Variants in CSTPP1 observed in about 807,000 individuals in gnomAD.
CSTPP1 encodes centriolar satellite-associated tubulin polyglutamylase complex regulator 1.
chr11:47,045,881 G>A, the CSTPP1 span, among the ~76,000 whole-genome samples: 1 of 151,968 alleles, frequency 6.6e-6, no homozygotes. Context: ...CCGTCCCCCG[G>A]GTTTAAGCAA....
At chr11:47,122,390 G>A in the CSTPP1 span, among the ~76,000 whole-genome samples, 1 of 151,708 alleles carries the variant, frequency 6.6e-6, no homozygotes, top group Admixed American at 6.6e-5. Flanking sequence ...CTTAGAGGGG[G>A]AAGAAAGAGC....
the CSTPP1 span, chr11:46,987,551 A>C: frequency 2.5e-6 from 1 of 403,012 alleles, no homozygotes; most frequent in South Asian, 5.5e-5. Flanking sequence ...TGCTTGTTTG[A>C]TCTATTAGAT....
chr11:47,105,084 G>A, the CSTPP1 span, among the ~76,000 whole-genome samples: 1 of 152,200 alleles, frequency 6.6e-6, no homozygotes, highest in Non-Finnish European at 1.5e-5. Context: ...GTGTAGTGAA[G>A]GATGGTTTGA....
At chr11:47,067,816 A>G in the CSTPP1 span, among the ~76,000 whole-genome samples, 2 of 152,202 alleles carry the variant, frequency 1.3e-5, no homozygotes, top group African/African-American at 2.4e-5. Context: ...TTTTTAACTC[A>G]CAGTTTCAGC....
the CSTPP1 span, among the ~76,000 whole-genome samples, chr11:47,015,967 C>G: frequency 2.0e-5 from 3 of 152,026 alleles, no homozygotes; most frequent in South Asian, 6.2e-4. Flanking sequence ...AAACAAAAAT[C>G]AAGACTGTTC....
chr11:46,994,617 G>A, the CSTPP1 span, among the ~76,000 whole-genome samples: 1 of 152,168 alleles, frequency 6.6e-6, no homozygotes, highest in African/African-American at 2.4e-5. Context: ...TGCATCCCAG[G>A]GATGAAGCCC....
At chr11:47,146,754 C>A in the CSTPP1 span, among the ~76,000 whole-genome samples, 1 of 152,184 alleles carries the variant, frequency 6.6e-6, no homozygotes, top group Non-Finnish European at 1.5e-5. Context: ...TAATGGCCGC[C>A]ATTGGAACAA....
chr11:46,939,553 G>A, the CSTPP1 span, among the ~76,000 whole-genome samples: 1 of 151,988 alleles, frequency 6.6e-6, no homozygotes, highest in African/African-American at 2.4e-5. Flanking sequence ...ACTTTGGGAG[G>A]CTGACGTAGG....
the CSTPP1 span, chr11:47,137,351 C>A: frequency 7.0e-7 from 1 of 1,436,496 alleles, no homozygotes; most frequent in African/African-American, 1.4e-5. Flanking sequence ...CTAAAGAAGA[C>A]TGATGAAGGT....
At chr11:47,003,553 A>G in the CSTPP1 span, among the ~76,000 whole-genome samples, 1 of 152,138 alleles carries the variant, frequency 6.6e-6, no homozygotes, top group Non-Finnish European at 1.5e-5. Context: ...CAAAAAACAA[A>G]TTGTCTCTCA....
At chr11:46,995,849 G>A in the CSTPP1 span, among the ~76,000 whole-genome samples, 4 of 152,138 alleles carry the variant, frequency 2.6e-5, no homozygotes, top group Non-Finnish European at 4.4e-5. Flanking sequence ...TTTCTGTCTC[G>A]TTGATCTGTC....
chr11:47,070,784 G>A, the CSTPP1 span, among the ~76,000 whole-genome samples: 2 of 152,258 alleles, frequency 1.3e-5, no homozygotes, highest in Admixed American at 1.3e-4. Context: ...TCTTGTCACT[G>A]CTGCTGAGAA....
the CSTPP1 span, among the ~76,000 whole-genome samples, chr11:46,956,118 A>C: frequency 5.3e-5 from 8 of 152,282 alleles, no homozygotes; most frequent in East Asian, 1.5e-3. Flanking sequence ...GAGACACTCC[A>C]AGCATTAAAT....
chr11:47,118,763 G>A, the CSTPP1 span, among the ~76,000 whole-genome samples: 56 of 152,334 alleles, frequency 3.7e-4, 3 homozygotes, highest in African/African-American at 1.3e-3. Context: ...GACCCTGTTT[G>A]CCTGGGTATC....
At chr11:47,087,624 G>A in the CSTPP1 span, among the ~76,000 whole-genome samples, 1 of 152,110 alleles carries the variant, frequency 6.6e-6, no homozygotes, top group African/African-American at 2.4e-5. Flanking sequence ...ACTTGAACCA[G>A]GGAGTCGGAG....
At chr11:47,043,558 G>A in the CSTPP1 span, among the ~76,000 whole-genome samples, 1 of 152,182 alleles carries the variant, frequency 6.6e-6, no homozygotes, top group African/African-American at 2.4e-5. Flanking sequence ...ACAAGAGAGA[G>A]TAGAAACCTC....
the CSTPP1 span, among the ~76,000 whole-genome samples, chr11:46,981,503 G>A: frequency 1.3e-5 from 2 of 152,016 alleles, no homozygotes; most frequent in African/African-American, 4.8e-5. Flanking sequence ...GATCATACCA[G>A]TACTTTGATT....
chr11:47,114,701 C>T, the CSTPP1 span, among the ~76,000 whole-genome samples: 1 of 152,124 alleles, frequency 6.6e-6, no homozygotes, highest in African/African-American at 2.4e-5. Context: ...GACTTTGCTG[C>T]AGTTGCTGAT....
At chr11:47,108,076 C>T in the CSTPP1 span, among the ~76,000 whole-genome samples, 2 of 152,384 alleles carry the variant, frequency 1.3e-5, no homozygotes, top group Admixed American at 6.5e-5. Context: ...CAAAGGTACT[C>T]ATCACTATAC....
Sources: allele counts gnomAD v4.1 joint callset (sites outside exome capture counted in the v4.1 genomes callset), GRCh38; gene constraint gnomAD v4.1.1; transcripts MANE v1.5; gene names NCBI Gene and HGNC (gene_info 2026-07-23, HGNC 2026-07-21).